FGF14: variants seen among roughly 807,000 people sequenced by gnomAD.
FGF14 encodes fibroblast growth factor homologous factor 4.
FGF14 carries 5 observed loss-of-function variants against 25.5 expected under a neutral mutation model. The observed-to-expected ratio is 0.20, with a 90% CI of 0.10 to 0.41. The LOEUF (loss-of-function observed/expected upper bound fraction) is 0.41, where lower values mean the gene tolerates loss of function less well. Among genes scored for constraint, FGF14 ranks in the 10% least tolerant of loss-of-function variants. The pLI, the probability that FGF14 is intolerant of heterozygous loss-of-function variation, is 1.00. For missense variants in FGF14, 222 were observed against 320.1 expected (o/e 0.69, Z 2.34); for synonymous variants, 138 against 118.3 (o/e 1.17, Z -1.08).
intron 1 of FGF14, among the ~76,000 whole-genome samples, chr13:102,217,219 C>A (rs138574589): frequency 6.6e-6 from 1 of 152,292 alleles, no homozygotes; most frequent in South Asian, 2.1e-4. Flanking sequence ...TATGAGCTAA[C>A]CACTAATTCC....
chr13:102,031,963 T>C (rs1356956037), intron 1 of FGF14, among the ~76,000 whole-genome samples: 2 of 152,112 alleles, frequency 1.3e-5, no homozygotes, highest in South Asian at 2.1e-4. Context: ...TTTCTAACAT[T>C]ACAAATCTGT....
intron 1 of FGF14, among the ~76,000 whole-genome samples, chr13:102,253,627 CTGA>C (rs2052303687): frequency 6.6e-6 from 1 of 152,156 alleles, no homozygotes; most frequent in African/African-American, 2.4e-5. Context: ...CCTGTTCACT[CTGA>C]TGATAGTTTA....
At chr13:102,391,663 A>G (rs2058435822) in intron 1 of FGF14, among the ~76,000 whole-genome samples, 1 of 152,228 alleles carries the variant, frequency 6.6e-6, no homozygotes, top group Non-Finnish European at 1.5e-5. Context: ...ACAAGAAAAA[A>G]TAATCAAGTT....
intron 1 of FGF14, among the ~76,000 whole-genome samples, chr13:102,281,267 G>A (rs1040815393): frequency 3.3e-5 from 5 of 152,242 alleles, no homozygotes; most frequent in East Asian, 3.9e-4. Context: ...AGGTAGTAAG[G>A]GCTGTCCCTG....
At chr13:101,941,415 T>G (rs2035442677) in intron 1 of FGF14, among the ~76,000 whole-genome samples, 1 of 152,246 alleles carries the variant, frequency 6.6e-6, no homozygotes, top group South Asian at 2.1e-4. Flanking sequence ...GACCACTTTA[T>G]CCATGTATTC....
At chr13:102,256,649 C>T (rs1007870392) in intron 1 of FGF14, among the ~76,000 whole-genome samples, 1 of 152,208 alleles carries the variant, frequency 6.6e-6, no homozygotes, top group African/African-American at 2.4e-5. Flanking sequence ...GAATTTCCCA[C>T]ATTTTAAGCA....
chr13:102,047,653 G>A (rs1361928283), intron 1 of FGF14, among the ~76,000 whole-genome samples: 1 of 152,124 alleles, frequency 6.6e-6, no homozygotes, highest in Admixed American at 6.5e-5. Flanking sequence ...CACAGGAAGG[G>A]GAACATCACA....
chr13:102,306,724 A>C (rs2055402364), intron 1 of FGF14, among the ~76,000 whole-genome samples: 1 of 152,194 alleles, frequency 6.6e-6, no homozygotes, highest in Non-Finnish European at 1.5e-5. Context: ...CTACTCTCAA[A>C]GTGTTCAGGC....
intron 1 of FGF14, among the ~76,000 whole-genome samples, chr13:102,365,918 T>G (rs966119522): frequency 5.9e-5 from 9 of 152,198 alleles, no homozygotes; most frequent in South Asian, 2.1e-4. Context: ...CAGCCATATT[T>G]CCAACAATAA....
chr13:102,037,867 C>T (rs966723696), intron 1 of FGF14, among the ~76,000 whole-genome samples: 2 of 152,066 alleles, frequency 1.3e-5, no homozygotes, highest in East Asian at 1.9e-4. Flanking sequence ...TTCAGTACTC[C>T]CTAGAAAGTA....
intron 1 of FGF14, among the ~76,000 whole-genome samples, chr13:102,035,025 T>C (rs905298428): frequency 6.6e-6 from 1 of 152,084 alleles, no homozygotes; most frequent in Non-Finnish European, 1.5e-5. Flanking sequence ...CATTATCCAC[T>C]AACAATGAAA....
At chr13:101,975,869 C>G (rs2037890656) in intron 1 of FGF14, among the ~76,000 whole-genome samples, 1 of 152,122 alleles carries the variant, frequency 6.6e-6, no homozygotes, top group African/African-American at 2.4e-5. Flanking sequence ...TCCACTTGGA[C>G]AAAGTAGAAA....
At chr13:101,798,235 C>A (rs2040670432) in intron 3 of FGF14, among the ~76,000 whole-genome samples, 1 of 152,020 alleles carries the variant, frequency 6.6e-6, no homozygotes, top group Non-Finnish European at 1.5e-5. Context: ...AGCATAAAAA[C>A]AAAACATATT....
intron 3 of FGF14, among the ~76,000 whole-genome samples, chr13:101,752,320 G>C (rs769860861): frequency 1.3e-5 from 2 of 152,110 alleles, no homozygotes; most frequent in Non-Finnish European, 2.9e-5. Context: ...ACAGTCTAAT[G>C]CACTGTTGAC....
intron 3 of FGF14, among the ~76,000 whole-genome samples, chr13:101,760,782 A>G (rs2037976080): frequency 1.3e-5 from 2 of 152,096 alleles, no homozygotes; most frequent in Admixed American, 1.3e-4. Flanking sequence ...TCTCTTCCCA[A>G]TACCCACTGA....
At chr13:102,132,171 G>T (rs1398506178) in intron 1 of FGF14, among the ~76,000 whole-genome samples, 1 of 152,224 alleles carries the variant, frequency 6.6e-6, no homozygotes, top group African/African-American at 2.4e-5. Flanking sequence ...ACCACCCCAG[G>T]GTCCATCAGG....
At chr13:102,165,583 C>T (rs1250030339) in intron 1 of FGF14, among the ~76,000 whole-genome samples, 2 of 142,890 alleles carry the variant, frequency 1.4e-5, no homozygotes, top group South Asian at 4.4e-4. Context: ...CCAAACACCA[C>T]GAATTCTCAC....
chr13:101,820,244 G>GA (rs1001373181), intron 3 of FGF14, among the ~76,000 whole-genome samples: 214 of 149,814 alleles, frequency 1.4e-3, no homozygotes, highest in Non-Finnish European at 7.7e-4. Flanking sequence ...ATTGTATAAA[G>GA]AAAAAAAAAC....
At chr13:102,384,550 G>A (rs2058258218) in intron 1 of FGF14, among the ~76,000 whole-genome samples, 1 of 152,060 alleles carries the variant, frequency 6.6e-6, no homozygotes, top group African/African-American at 2.4e-5. Context: ...CATTCTTTGT[G>A]AGTCAGTCAG....
Sources: allele counts gnomAD v4.1 joint callset (sites outside exome capture counted in the v4.1 genomes callset), GRCh38; gene constraint gnomAD v4.1.1; transcripts MANE v1.5; gene names NCBI Gene and HGNC (gene_info 2026-07-23, HGNC 2026-07-21).